The following ST8SIA4 variants were observed in gnomAD, a reference collection of about 807,000 sequenced individuals.
The protein encoded by ST8SIA4 is CMP-N-acetylneuraminate-poly-alpha-2,8-sialyltransferase.
In ST8SIA4, 15 loss-of-function variants were observed where a neutral mutation model predicts 33.9. The observed-to-expected ratio is 0.44, with a 90% CI of 0.30 to 0.68. The LOEUF (loss-of-function observed/expected upper bound fraction) is 0.68. Among genes scored for constraint, ST8SIA4 ranks in the 30% least tolerant of loss-of-function variants. The probability of loss-of-function intolerance (pLI) is 0.10; values close to 1 mark genes in which losing one functional copy is unlikely to be tolerated. For missense variants in ST8SIA4, 321 were observed against 428.0 expected (o/e 0.75, Z 2.21); for synonymous variants, 171 against 151.2 (o/e 1.13, Z -0.96).
In ST8SIA4 at chr5:100,847,728, C is replaced by T. The variant is rs1174221029; in HGVS notation, c.797+8375G>A. ...TATTTTTCAACAGAGTGAATACTACCCAGATGAGAAGTTAGCTAGATATGT... is the reference window on the plus strand; with the variant it reads ...TATTTTTCAACAGAGTGAATACTACTCAGATGAGAAGTTAGCTAGATATGT... On this transcript the variant is annotated intron_variant, in intron 4 of 4. Transcript: ENST00000231461. 3.3e-5 allele frequency among the ~76,000 whole-genome samples: 5 copies of T among 152,004 alleles called. No individual in the cohort carries two copies. In the East Asian group the frequency reaches 9.6e-4, roughly 29 times the overall value.
In ST8SIA4 at chr5:100,823,125, C is replaced by T. The variant is rs915125013; in HGVS notation, c.798-10996G>A. Among the ~76,000 whole-genome samples the T allele has an allele frequency of 5.3e-5, 8 of 150,402 alleles. No individual in the cohort carries two copies. The South Asian group carries it at 6.3e-4, about 12-fold the overall frequency. ...CAGCCTGGGAGACAGAGTGAGACTC[C>T]GTCTCATAAACAAACAAACAAACAA... On this transcript the variant is annotated intron_variant, in intron 4 of 4. Transcript: ENST00000231461.
intron 3 of ST8SIA4, chr5:100,885,378 AT>A (rs1464999990): frequency 1.0e-6 from 1 of 965,578 alleles, no homozygotes; most frequent in East Asian, 1.1e-4. Flanking sequence ...CTTGAGTGTG[AT>A]TTCTCATGAC....
intron 4 of ST8SIA4, among the ~76,000 whole-genome samples, chr5:100,816,878 T>C (rs956960342): frequency 6.6e-6 from 1 of 151,966 alleles, no homozygotes; most frequent in Non-Finnish European, 1.5e-5. Context: ...GTTAAAAAAA[T>C]GTCTTTTGGT....
chr5:100,850,849 AAGAGT>A (rs1751680427), intron 4 of ST8SIA4, among the ~76,000 whole-genome samples: 1 of 151,908 alleles, frequency 6.6e-6, no homozygotes, highest in Admixed American at 6.6e-5. Flanking sequence ...ATAGATGAAT[AAGAGT>A]AAATATTAAC....
intron 4 of ST8SIA4, among the ~76,000 whole-genome samples, chr5:100,843,535 T>C (rs1288804558): frequency 2.0e-5 from 3 of 151,914 alleles, no homozygotes; most frequent in Non-Finnish European, 4.4e-5. Flanking sequence ...CCAGGAAAAC[T>C]TAACCAGAGG....
chr5:100,817,556 C>T (rs1750955768), intron 4 of ST8SIA4, among the ~76,000 whole-genome samples: 1 of 152,114 alleles, frequency 6.6e-6, no homozygotes, highest in Non-Finnish European at 1.5e-5. Context: ...GTTTTCTTCC[C>T]TACTGTTAAA....
At chr5:100,817,625 TTC>T (rs1411710167) in intron 4 of ST8SIA4, among the ~76,000 whole-genome samples, 1 of 152,230 alleles carries the variant, frequency 6.6e-6, no homozygotes, top group Admixed American at 6.5e-5. Flanking sequence ...AACAAGTTAA[TTC>T]TGTTTTGAAA....
At chr5:100,816,631 G>T in intron 4 of ST8SIA4, 1 of 502,390 alleles carries the variant, frequency 2.0e-6, no homozygotes, top group South Asian at 1.5e-5. Context: ...ATTTCTAGAA[G>T]AATTTGAATA....
chr5:100,840,021 C>A (rs1279407731), intron 4 of ST8SIA4, among the ~76,000 whole-genome samples: 4 of 151,438 alleles, frequency 2.6e-5, no homozygotes, highest in African/African-American at 9.7e-5. Context: ...AAAATATATA[C>A]TTTTAATATT....
Position 100,812,474 on chromosome 5 carries a change from G to A in ST8SIA4, c.798-345C>T, listed in dbSNP as rs547229159. On this transcript the variant is annotated intron_variant, in intron 4 of 4. Transcript: ENST00000231461. Reference sequence around the variant, plus strand: ...TCAAAAAGGATTAAATACAACTGCAGAAGTCATGGTAATTGGGTAGAGATT... The same window carrying A: ...TCAAAAAGGATTAAATACAACTGCAAAAGTCATGGTAATTGGGTAGAGATT... Among the ~76,000 whole-genome samples, 20 of 152,078 alleles carry A rather than the reference G, an allele frequency of 1.3e-4. No homozygotes were observed. The South Asian group carries it at 3.3e-3, about 25-fold the overall frequency.
intron 4 of ST8SIA4, among the ~76,000 whole-genome samples, chr5:100,830,713 T>C (rs2112414185): frequency 6.6e-6 from 1 of 152,348 alleles, no homozygotes; most frequent in Non-Finnish European, 1.5e-5. Context: ...CTGATTATTG[T>C]ATAACTTAGA....
In ST8SIA4 at chr5:100,862,563, A is replaced by AT. The variant is rs527553861; in HGVS notation, c.504-6168dup. Among the ~76,000 whole-genome samples, 219 of 143,582 alleles carry AT rather than the reference A, an allele frequency of 1.5e-3. 2 individuals carry two copies. Among genetic ancestry groups the AT allele is most frequent in the Middle Eastern group, 0.014 (4 of 280 alleles). The allele number at this position is 143,582 out of a possible 152,430, so 94.2% of individuals were successfully genotyped here. A position where few individuals can be genotyped will look rare whatever the true frequency, so the allele number is the denominator to read the frequency against. Reference sequence around the variant, plus strand: ...ACAGGCGCCCCCCACCACCCCAGCCATTTTTTTTTTGTATTTTTAGTAGAG... The same window carrying AT: ...ACAGGCGCCCCCCACCACCCCAGCCATTTTTTTTTTTGTATTTTTAGTAGAG... On this transcript the variant is annotated intron_variant, in intron 3 of 4. Transcript: ENST00000231461.
chr5:100,877,971 T>C lies in ST8SIA4; in HGVS notation c.503+8372A>G, dbSNP rs1018459886. On this transcript the variant is annotated intron_variant, in intron 3 of 4. Coordinates refer to ENST00000231461, the MANE Select transcript of ST8SIA4 (RefSeq NM_005668.6). ...ATTTGATTTCAGAAATTCAAATGGCTATTAATTAACCTTTGAAAAGGATCT... is the reference window on the plus strand; with the variant it reads ...ATTTGATTTCAGAAATTCAAATGGCCATTAATTAACCTTTGAAAAGGATCT... Among the ~76,000 whole-genome samples the C allele has an allele frequency of 1.5e-4, 23 of 152,212 alleles. 1 individual carries two copies.
At chr5:100,848,385 A>G (rs1045049109) in intron 4 of ST8SIA4, among the ~76,000 whole-genome samples, 2 of 150,304 alleles carry the variant, frequency 1.3e-5, no homozygotes, top group African/African-American at 4.9e-5. Context: ...TAAAATACAT[A>G]TTTGTATATT....
rs1408774002 is a variant in ST8SIA4 at position 100,811,925 on chromosome 5, T to C, written c.1002A>G (p.Pro334=). Residue 334 remains proline, a synonymous_variant, in exon 5 of 5, where the codon CCA becomes CCG. Coordinates refer to ENST00000231461, the MANE Select transcript of ST8SIA4 (RefSeq NM_005668.6). ...YFSNASPHRM[P]LEFKTLNVLH... The stretch of plus-strand genomic sequence containing the variant: ...GCACATTTAATGTTTTGAATTCTAA[T>C]GGCATTCTGTGAGGGCTTGCATTGG... 1.4e-5 allele frequency: 23 copies of C among 1,614,148 alleles called. No individual in the cohort carries two copies. Among genetic ancestry groups the C allele is most frequent in the Non-Finnish European group, 1.9e-5 (23 of 1,179,984 alleles).
At chr5:100,877,132 CTG>C (rs1244093823) in intron 3 of ST8SIA4, among the ~76,000 whole-genome samples, 1 of 151,990 alleles carries the variant, frequency 6.6e-6, no homozygotes, top group Non-Finnish European at 1.5e-5. Flanking sequence ...AACAAATTTA[CTG>C]TGTTAAATGA....
intron 3 of ST8SIA4, among the ~76,000 whole-genome samples, chr5:100,875,510 A>G (rs947373433): frequency 3.0e-4 from 46 of 152,142 alleles, no homozygotes; most frequent in Non-Finnish European, 1.6e-4. Context: ...CCTCTGCATT[A>G]TTGGAAATAA....
intron 3 of ST8SIA4, among the ~76,000 whole-genome samples, chr5:100,883,759 C>T (rs1306692372): frequency 6.6e-6 from 1 of 152,230 alleles, no homozygotes; most frequent in Non-Finnish European, 1.5e-5. Context: ...TCTGCTTTTG[C>T]ATCTCCCTCA....
intron 1 of ST8SIA4, among the ~76,000 whole-genome samples, chr5:100,899,907 G>A (rs1290744442): frequency 2.0e-5 from 3 of 152,178 alleles, no homozygotes; most frequent in African/African-American, 4.8e-5. Flanking sequence ...GGCTTTTATG[G>A]AAGGAAATAT....
Sources: gnomAD v4.1 joint callset for allele counts (sites outside exome capture counted in the v4.1 genomes callset) on GRCh38, gnomAD v4.1.1 for gene constraint, MANE v1.5 for transcripts, NCBI Gene and HGNC (gene_info 2026-07-23, HGNC 2026-07-21) for gene names.